Variants in PHF12 observed in about 807,000 individuals in gnomAD.
The protein encoded by PHF12 is PHD finger protein 12.
A neutral mutation model predicts 99.8 loss-of-function variants in PHF12; 6 were observed. The ratio of observed to expected loss-of-function variants is 0.06; its 90% confidence interval spans 0.03 to 0.12. The LOEUF (loss-of-function observed/expected upper bound fraction) is 0.12. Among genes scored for constraint, PHF12 ranks in the 10% least tolerant of loss-of-function variants. The probability of loss-of-function intolerance (pLI) is 1.00; values close to 1 mark genes in which losing one functional copy is unlikely to be tolerated. For missense variants in PHF12, 954 were observed against 1,300.1 expected, an observed-to-expected ratio of 0.73 and a Z score of 4.09; for synonymous variants, 480 against 514.9, an observed-to-expected ratio of 0.93 and a Z score of 0.92.
At chr17:28,908,214 G>C (rs1275399415) in intron 12 of PHF12, 2 of 161,488 alleles carry the variant, frequency 1.2e-5, no homozygotes, top group Non-Finnish European at 2.7e-5. Context: ...CTTCCCTGCA[G>C]TGTTTAAAGT....
In PHF12 at chr17:28,906,438, C is replaced by G; in HGVS notation, c.2760G>C (p.Gln920His). ...AMMSSQAQGP[Q>H]RRPCNCKASS... ...TGGCTTTGCAATTGCAGGGTCTCCG[C>G]TGCGGCCCCTGGGCCTGGGAACTCA... Residue 920 changes from glutamine (Q) to histidine (H), a missense_variant, in exon 15 of 15, where the codon CAG becomes CAC. Physicochemically the swap from Gln to His is conservative, Grantham distance 24. Transcript: ENST00000332830. This position sits in a 1 kb window ranked among gnomAD's most constrained non-coding sequence, Gnocchi z 4.2. 6.2e-7 allele frequency: 1 copy of G among 1,614,092 alleles called. No homozygotes were observed. The highest frequency in any genetic ancestry group is 8.5e-7 in the Non-Finnish European group (1 of 1,180,022).
chr17:28,939,044 A>G (rs979823250), intron 2 of PHF12, among the ~76,000 whole-genome samples: 2 of 152,264 alleles, frequency 1.3e-5, no homozygotes, highest in African/African-American at 2.4e-5. Flanking sequence ...GTTATTTGCT[A>G]TAACAAATAA....
Position 28,950,847 on chromosome 17 carries a change from G to A in PHF12, c.66+48C>T, listed in dbSNP as rs780440983. 24 of 1,607,800 alleles carry A rather than the reference G, an allele frequency of 1.5e-5. No homozygotes were observed. Among genetic ancestry groups the A allele is most frequent in the Non-Finnish European group, 1.9e-5 (22 of 1,176,256 alleles). ...CTGGCTTTGTGGGGCGGAGGGCGGA[G>A]GTTCCCTCCCGGCGCTGGAGGAAGG... is the stretch of plus-strand genomic sequence containing the variant. On this transcript the variant is annotated intron_variant, in intron 1 of 14. Coordinates refer to ENST00000332830, the MANE Select transcript of PHF12 (RefSeq NM_001033561.2). This position sits in a 1 kb window ranked among gnomAD's most constrained non-coding sequence, Gnocchi z 5.7.
intron 2 of PHF12, among the ~76,000 whole-genome samples, chr17:28,940,178 G>A (rs1001262723): frequency 2.0e-5 from 3 of 152,226 alleles, no homozygotes; most frequent in African/African-American, 7.2e-5. Context: ...CCTTGTGTCT[G>A]TGTTAACAAA....
chr17:28,910,178 C>G, intron 11 of PHF12, 48 bp downstream of exon 11: 1 of 1,613,622 alleles, frequency 6.2e-7, no homozygotes. Context: ...CATTCGCACA[C>G]GTAGAGGGGA....
At chr17:28,943,660 A>C (rs530430301) in intron 2 of PHF12, among the ~76,000 whole-genome samples, 2 of 144,002 alleles carry the variant, frequency 1.4e-5, no homozygotes, top group Non-Finnish European at 3.1e-5. Context: ...AACAAACAAA[A>C]CCAAAACCAA....
chr17:28,910,936 G>C, intron 10 of PHF12, 176 bp downstream of exon 10: 1 of 807,460 alleles, frequency 1.2e-6, no homozygotes, highest in Non-Finnish European at 1.9e-6. Flanking sequence ...GCTACAGAAG[G>C]AGCTTTCTTT....
chr17:28,924,349 A>G, intron 3 of PHF12, 47 bp from the exon 4 acceptor site: 1 of 1,613,090 alleles, frequency 6.2e-7, no homozygotes, highest in Non-Finnish European at 8.5e-7. Flanking sequence ...ACCATGAAAC[A>G]AAGAGATGGG....
intron 2 of PHF12, among the ~76,000 whole-genome samples, chr17:28,928,466 G>C (rs945561658): frequency 1.3e-5 from 2 of 152,156 alleles, no homozygotes; most frequent in Non-Finnish European, 2.9e-5. Context: ...CATTTCAGCA[G>C]TTCTCTTACT....
chr17:28,937,734 T>C (rs761081332), intron 2 of PHF12, among the ~76,000 whole-genome samples: 1 of 152,210 alleles, frequency 6.6e-6, no homozygotes, highest in Non-Finnish European at 1.5e-5. Flanking sequence ...TGTTTGCCTC[T>C]GCTAACTTTT....
At chr17:28,932,626 C>T (rs891821908) in intron 2 of PHF12, among the ~76,000 whole-genome samples, 1 of 152,204 alleles carries the variant, frequency 6.6e-6, no homozygotes, top group African/African-American at 2.4e-5. Context: ...ATTCTGAGGA[C>T]TCCCCACCTC....
rs149157305 is a variant in PHF12, at chr17:28,913,176, A to G, written c.1395T>C (p.Asp465=). 3,640 of 1,614,156 alleles carry G rather than the reference A, an allele frequency of 2.3e-3. 8 individuals carry two copies. Among genetic ancestry groups the G allele is most frequent in the Non-Finnish European group, 2.7e-3 (3,142 of 1,180,014 alleles). The change falls in exon 9 of 15, where the codon GAT becomes GAC. Residue 465 remains aspartate, a synonymous_variant. Transcript: ENST00000332830. The part of the protein sequence containing the change: ...HWDSEQTEKA[D]IKPVIVTDSS... ...TGTCAGTCACAATAACAGGCTTAAT[A>G]TCAGCCTTCTCTGTCTGTTCAGAGT...
chr17:28,908,387 C>CA (rs954900621), intron 12 of PHF12: 1 of 189,598 alleles, frequency 5.3e-6, no homozygotes, highest in African/African-American at 2.3e-5. Flanking sequence ...TGCAGAGGCA[C>CA]AAAAAGGATC....
In PHF12 at chr17:28,917,329, G is replaced by A. The variant is rs1029098696; in HGVS notation, c.1090C>T (p.Pro364Ser). 6.2e-7 allele frequency: 1 copy of A among 1,613,974 alleles called. No individual in the cohort carries two copies. The highest frequency in any genetic ancestry group is 1.3e-5 in the African/African-American group (1 of 74,898). ...ACCGACTGGAGCACACGCCGGTTAGGGGGGTGCTTCTTGTGGATTCGGTTC... is the reference window on the plus strand; with the variant it reads ...ACCGACTGGAGCACACGCCGGTTAGAGGGGTGCTTCTTGTGGATTCGGTTC... ...FLNRIHKKHP[P>S]NRRVLQSVKR... The change falls in exon 7 of 15, where the codon CCT becomes TCT. Residue 364 changes from proline to serine, a missense_variant. Transcript: ENST00000332830.
Position 28,951,090 on chromosome 17 carries a change from G to T in PHF12, c.-130C>A, listed in dbSNP as rs111990262. On this transcript the variant is annotated 5_prime_UTR_variant, in exon 1 of 15. Transcript: ENST00000332830. Reference sequence around the variant, plus strand: ...TCCCAATACGGGTCCCGACTTCCTCGCCCTGGCTCCCCCCCACCCCCCGGC... The same window carrying T: ...TCCCAATACGGGTCCCGACTTCCTCTCCCTGGCTCCCCCCCACCCCCCGGC... The T allele has an allele frequency of 2.0e-6, 3 of 1,477,936 alleles. No individual in the cohort carries two copies. Among genetic ancestry groups the T allele is most frequent in the African/African-American group, 2.8e-5 (2 of 71,412 alleles). The allele number at this position is 1,477,936 out of a possible 1,614,324, so 91.6% of individuals were successfully genotyped here.
chr17:28,950,304 C>A lies in PHF12; in HGVS notation c.67-58G>T. 6.6e-7 allele frequency: 1 copy of A among 1,520,526 alleles called. No homozygotes were observed. The highest frequency in any genetic ancestry group is 8.8e-7 in the Non-Finnish European group (1 of 1,132,356). The allele number at this position is 1,520,526 out of a possible 1,614,324, so 94.2% of individuals were successfully genotyped here. A position where few individuals can be genotyped will look rare whatever the true frequency, so the allele number is the denominator to read the frequency against. On this transcript the variant is annotated intron_variant, in intron 1 of 14. Coordinates refer to ENST00000332830, the MANE Select transcript of PHF12 (RefSeq NM_001033561.2). The surrounding 1 kb of genome is among the most constrained non-coding windows in gnomAD (Gnocchi z 5.7). ...CTCGGAGCTCCCGGGCGGTCCGTCGCCCCCCCGGCGCGGTTTCTCCGTCAC... is the reference window on the plus strand; with the variant it reads ...CTCGGAGCTCCCGGGCGGTCCGTCGACCCCCCGGCGCGGTTTCTCCGTCAC...
chr17:28,912,076 G>T, intron 9 of PHF12: 1 of 1,008,470 alleles, frequency 9.9e-7, no homozygotes, highest in Non-Finnish European at 1.2e-6. Flanking sequence ...TCTTTTGTGT[G>T]GATCTGACAA....
chr17:28,937,308 A>G (rs964528876), intron 2 of PHF12, among the ~76,000 whole-genome samples: 7 of 152,178 alleles, frequency 4.6e-5, no homozygotes, highest in African/African-American at 9.7e-5. Context: ...GAAGATAGCT[A>G]TATTGAAGGA....
intron 4 of PHF12, among the ~76,000 whole-genome samples, chr17:28,923,410 C>T (rs899846739): frequency 9.9e-5 from 15 of 150,986 alleles, no homozygotes; most frequent in Admixed American, 2.0e-4. Context: ...GTAATCCCAG[C>T]ACTTCGGGAG....
Sources: allele counts gnomAD v4.1 joint callset (sites outside exome capture counted in the v4.1 genomes callset), GRCh38; gene constraint gnomAD v4.1.1; non-coding constraint Gnocchi (gnomAD v3.1); transcripts MANE v1.5; gene names NCBI Gene and HGNC (gene_info 2026-07-23, HGNC 2026-07-21).